Variants in PKP1 observed in about 807,000 individuals in gnomAD.
PKP1 encodes the protein plakophilin-1.
In PKP1, 27 loss-of-function variants were observed where a neutral mutation model predicts 76.4. That is an observed-to-expected ratio of 0.35 (90% CI 0.26 to 0.49). PKP1 has a LOEUF of 0.49. Among genes scored for constraint, PKP1 ranks in the 20% least tolerant of loss-of-function variants. The pLI is 0.99. For missense variants in PKP1, 964 were observed against 955.2 expected (o/e 1.01, Z -0.12); for synonymous variants, 404 against 384.2 (o/e 1.05, Z -0.60).
intron 7 of PKP1, 68 bp downstream of exon 7, chr1:201,320,449 AGGCCT>A: frequency 1.0e-6 from 1 of 990,158 alleles, no homozygotes. Flanking sequence ...GGTGCCTTTG[AGGCCT>A]GGCCCAGTGA....
At chr1:201,292,936 A>G (rs1409770213) in intron 1 of PKP1, among the ~76,000 whole-genome samples, 1 of 152,218 alleles carries the variant, frequency 6.6e-6, no homozygotes, top group Non-Finnish European at 1.5e-5. Context: ...AGAGCAGGAC[A>G]GTATGTGTTT....
chr1:201,298,952 C>G (rs188710431), intron 2 of PKP1, among the ~76,000 whole-genome samples: 1 of 152,310 alleles, frequency 6.6e-6, no homozygotes, highest in East Asian at 1.9e-4. Flanking sequence ...GCATCACACT[C>G]CAGCAGGGGA....
intron 9 of PKP1, among the ~76,000 whole-genome samples, chr1:201,323,845 C>G (rs1351423842): frequency 1.3e-5 from 2 of 152,116 alleles, no homozygotes; most frequent in Non-Finnish European, 2.9e-5. Flanking sequence ...CCCACCTAGA[C>G]CTGTTACACC....
chr1:201,324,839 G>A (rs1359399187), intron 10 of PKP1, 102 bp from the exon 11 acceptor site: 1 of 1,268,878 alleles, frequency 7.9e-7, no homozygotes, highest in East Asian at 2.3e-5. Context: ...CTGGCTCAGA[G>A]CCCGGCAGAA....
chr1:201,320,610 C>T (rs1656910982), intron 7 of PKP1, among the ~76,000 whole-genome samples: 1 of 152,222 alleles, frequency 6.6e-6, no homozygotes, highest in South Asian at 2.1e-4. Context: ...CAGCTGCTTC[C>T]CTAATCTCTC....
At chr1:201,324,280 C>T (rs560518049) in intron 9 of PKP1, 148 bp from the exon 10 acceptor site, 43 of 780,182 alleles carry the variant, frequency 5.5e-5, no homozygotes, top group Non-Finnish European at 9.1e-5. Flanking sequence ...GCCTAGGTTT[C>T]TGTAGTTGCC....
intron 2 of PKP1, among the ~76,000 whole-genome samples, chr1:201,312,084 G>A (rs1558189645): frequency 6.6e-6 from 1 of 152,146 alleles, no homozygotes; most frequent in South Asian, 2.1e-4. Context: ...CAAAGCCCAG[G>A]AGGCCCTCCC....
At chr1:201,300,295 A>G (rs1270515247) in intron 2 of PKP1, among the ~76,000 whole-genome samples, 1 of 152,182 alleles carries the variant, frequency 6.6e-6, no homozygotes, top group Non-Finnish European at 1.5e-5. Flanking sequence ...CCTGTATTAA[A>G]CTGAAGGAGA....
At position 201,330,711 on chromosome 1, in the gene PKP1, T is replaced by TGG. The variant is rs1318503295; in HGVS notation, c.*673_*674dup. On this transcript the variant is annotated 3_prime_UTR_variant, in exon 14 of 14. Coordinates refer to ENST00000367324, the MANE Select transcript of PKP1 (RefSeq NM_001005337.3). ...GTCTGGTGTATCTCATGGGAGAATCTGGGGTGTCTGTAATGTCACCCCTCC... is the reference window on the plus strand; with the variant it reads ...GTCTGGTGTATCTCATGGGAGAATCTGGGGGGTGTCTGTAATGTCACCCCTCC... 1 of 152,258 alleles carries TGG rather than the reference T, an allele frequency of 6.6e-6. No homozygotes were observed. Among genetic ancestry groups the TGG allele is most frequent in the Non-Finnish European group, 1.5e-5 (1 of 68,072 alleles). The allele number at this position is 152,258 out of a possible 1,614,324, so 9.4% of individuals were successfully genotyped here. A position where few individuals can be genotyped will look rare whatever the true frequency, so the allele number is the denominator to read the frequency against.
chr1:201,283,849 C>T lies in PKP1; in HGVS notation c.147C>T (p.Val49=). 2 of 1,614,188 alleles carry T rather than the reference C, an allele frequency of 1.2e-6. No individual in the cohort carries two copies. Among genetic ancestry groups the T allele is most frequent in the African/African-American group, 2.7e-5 (2 of 75,060 alleles). Residue 49 remains valine, a synonymous_variant, in exon 1 of 14, where the codon GTC becomes GTT. Coordinates refer to ENST00000367324, the MANE Select transcript of PKP1 (RefSeq NM_001005337.3). ...TGCAGGAGCAGGTGATGATGACCGT[C>T]AAGCGGCAGAAGTCCAAGTCTTCCC... ...QRVQEQVMMT[V]KRQKSKSSQS... is the part of the protein sequence containing the mutation.
chr1:201,318,527 C>T (rs1358474894), intron 5 of PKP1, 91 bp from the exon 6 acceptor site: 2 of 1,092,122 alleles, frequency 1.8e-6, no homozygotes, highest in South Asian at 1.3e-5. Context: ...CAGTAGGGCC[C>T]ATTTGCCAGA....
intron 3 of PKP1, among the ~76,000 whole-genome samples, chr1:201,316,031 G>T (rs1558191479): frequency 6.6e-6 from 1 of 152,154 alleles, no homozygotes; most frequent in Non-Finnish European, 1.5e-5. Context: ...CTTGGGGATG[G>T]ATAGATGGAT....
At chr1:201,308,489 A>T (rs1197933375) in intron 2 of PKP1, among the ~76,000 whole-genome samples, 1 of 152,226 alleles carries the variant, frequency 6.6e-6, no homozygotes, top group African/African-American at 2.4e-5. Flanking sequence ...CCTGGCTTTA[A>T]GGGCAAATAA....
At chr1:201,305,039 A>C (rs543440446) in intron 2 of PKP1, among the ~76,000 whole-genome samples, 1 of 152,152 alleles carries the variant, frequency 6.6e-6, no homozygotes, top group South Asian at 2.1e-4. Flanking sequence ...ACTTCCAAAG[A>C]CCTTCCCTAC....
At chr1:201,329,490 G>C (rs933794711) in intron 13 of PKP1, among the ~76,000 whole-genome samples, 2 of 152,192 alleles carry the variant, frequency 1.3e-5, no homozygotes, top group African/African-American at 4.8e-5. Context: ...TTAAACAAGC[G>C]TCTAAAGTGT....
chr1:201,295,879 T>C (rs1656055606), intron 2 of PKP1, among the ~76,000 whole-genome samples: 1 of 68,330 alleles, frequency 1.5e-5, no homozygotes, highest in African/African-American at 4.2e-5. Flanking sequence ...GGGGAAGGTG[T>C]TTCTAAAGAA....
At chr1:201,289,875 T>C (rs918902457) in intron 1 of PKP1, among the ~76,000 whole-genome samples, 6 of 152,106 alleles carry the variant, frequency 3.9e-5, no homozygotes, top group Non-Finnish European at 5.9e-5. Context: ...TGCAAGGTTT[T>C]GAATGCAGGG....
rs1385633468 is a variant in PKP1 at position 201,331,209 on chromosome 1, T to G, written c.*1168T>G. On this transcript the variant is annotated 3_prime_UTR_variant, in exon 14 of 14. Coordinates refer to ENST00000367324, the MANE Select transcript of PKP1 (RefSeq NM_001005337.3). ...TTGGACGGGGGGAGTTTGGGTAGAC[T>G]AGGAAAGGAAAGTGCCATATCAGGG... 6.6e-6 allele frequency: 1 copy of G among 151,994 alleles called. No homozygotes were observed. Among genetic ancestry groups the G allele is most frequent in the Non-Finnish European group, 1.5e-5 (1 of 68,056 alleles). 9.4% of individuals were successfully genotyped at this position (151,994 alleles called of 1,614,324 possible). A position where few individuals can be genotyped will look rare whatever the true frequency, so the allele number is the denominator to read the frequency against.
chr1:201,290,618 A>T (rs1403683627), intron 1 of PKP1, among the ~76,000 whole-genome samples: 1 of 152,102 alleles, frequency 6.6e-6, no homozygotes, highest in African/African-American at 2.4e-5. Context: ...GCCTGACCCC[A>T]TTCTAAGCCT....
Sources: gnomAD v4.1 joint callset for allele counts (sites outside exome capture counted in the v4.1 genomes callset) on GRCh38, gnomAD v4.1.1 for gene constraint, MANE v1.5 for transcripts, NCBI Gene and HGNC (gene_info 2026-07-23, HGNC 2026-07-21) for gene names.